The following CDYL variants were observed in gnomAD, a reference collection of about 807,000 sequenced individuals.
The protein encoded by CDYL is chromodomain Y like.
In CDYL, 8 loss-of-function variants were observed where a neutral mutation model predicts 47.3. The observed-to-expected ratio is 0.17, with a 90% confidence interval of 0.10 to 0.31. The LOEUF (loss-of-function observed/expected upper bound fraction) is 0.31. Ranked by LOEUF, CDYL falls within the 10% of genes least tolerant of loss-of-function variation. CDYL has a pLI of 1.00. For missense variants in CDYL, 471 were observed against 701.4 expected, an observed-to-expected ratio of 0.67 and a Z score of 3.71; for synonymous variants, 266 against 265.0, an observed-to-expected ratio of 1.00 and a Z score of -0.04.
At chr6:4,839,973 A>C (rs998153661) in intron 1 of CDYL, among the ~76,000 whole-genome samples, 1 of 151,962 alleles carries the variant, frequency 6.6e-6, no homozygotes, top group African/African-American at 2.4e-5. Flanking sequence ...TGGTGTTTTG[A>C]TGGGAATTGC....
At chr6:4,930,879 C>T (rs1758013445) in intron 2 of CDYL, among the ~76,000 whole-genome samples, 1 of 152,248 alleles carries the variant, frequency 6.6e-6, no homozygotes, top group African/African-American at 2.4e-5. Flanking sequence ...TCTCAGTTCA[C>T]AGAGGCAACT....
intron 2 of CDYL, among the ~76,000 whole-genome samples, chr6:4,721,869 G>A (rs1757376802): frequency 6.6e-6 from 1 of 151,518 alleles, no homozygotes; most frequent in African/African-American, 2.4e-5. Context: ...TGTTTTTTGG[G>A]GTTTTTTTTT....
intron 1 of CDYL, among the ~76,000 whole-genome samples, chr6:4,864,117 C>A (rs528250263): frequency 3.3e-5 from 5 of 152,146 alleles, no homozygotes; most frequent in Non-Finnish European, 5.9e-5. Context: ...GAGCTGAGAA[C>A]GTAACTGCCA....
intron 1 of CDYL, among the ~76,000 whole-genome samples, chr6:4,798,926 G>A (rs1392262951): frequency 1.3e-5 from 2 of 152,162 alleles, no homozygotes; most frequent in Admixed American, 6.5e-5. Flanking sequence ...CATCTAAAAT[G>A]TTGCGTTCAT....
At chr6:4,783,652 A>G (rs541542943) in intron 1 of CDYL, among the ~76,000 whole-genome samples, 1 of 152,122 alleles carries the variant, frequency 6.6e-6, no homozygotes, top group Non-Finnish European at 1.5e-5. Context: ...CCTGACATCA[A>G]GTGATCCACC....
At chr6:4,781,424 C>T (rs1758616090) in intron 1 of CDYL, among the ~76,000 whole-genome samples, 2 of 152,150 alleles carry the variant, frequency 1.3e-5, no homozygotes, top group African/African-American at 4.8e-5. Flanking sequence ...AGATTGGAAT[C>T]ACCAAAATTA....
chr6:4,891,424 C>T (rs1387817845), intron 1 of CDYL, among the ~76,000 whole-genome samples: 1 of 152,188 alleles, frequency 6.6e-6, no homozygotes, highest in African/African-American at 2.4e-5. Context: ...ACTCGGTGGT[C>T]AGGCTTCAAC....
intron 1 of CDYL, among the ~76,000 whole-genome samples, chr6:4,713,448 G>C (rs12202237): frequency 6.6e-6 from 1 of 152,214 alleles, no homozygotes; most frequent in Admixed American, 6.5e-5. Flanking sequence ...TGAAACTGAC[G>C]AAAAGTCAAA....
At chr6:4,914,660 A>G (rs143704780) in intron 2 of CDYL, among the ~76,000 whole-genome samples, 4 of 152,298 alleles carry the variant, frequency 2.6e-5, no homozygotes, top group Admixed American at 6.5e-5. Context: ...GCACGGGCCT[A>G]TTCTTCATTC....
At chr6:4,809,579 T>C (rs1759466647) in intron 1 of CDYL, among the ~76,000 whole-genome samples, 1 of 149,054 alleles carries the variant, frequency 6.7e-6, no homozygotes, top group African/African-American at 2.6e-5. Flanking sequence ...GTAGGGGTAT[T>C]ATATTAGTCC....
chr6:4,847,479 A>G (rs535953344), intron 1 of CDYL, among the ~76,000 whole-genome samples: 165 of 152,268 alleles, frequency 1.1e-3, no homozygotes, highest in Non-Finnish European at 1.9e-3. Flanking sequence ...AGCAGGGTCT[A>G]GGTCTCAGAT....
intron 1 of CDYL, among the ~76,000 whole-genome samples, chr6:4,781,218 A>G (rs1167358068): frequency 2.7e-4 from 41 of 152,186 alleles, no homozygotes; most frequent in Admixed American, 2.7e-3. Flanking sequence ...GGTCTTTTGA[A>G]TCTTTCTTCC....
intron 1 of CDYL, among the ~76,000 whole-genome samples, chr6:4,838,735 G>A (rs1261620107): frequency 6.6e-6 from 1 of 151,858 alleles, no homozygotes; most frequent in Non-Finnish European, 1.5e-5. Flanking sequence ...CACCCAGGCT[G>A]GGGTGCAGTG....
intron 2 of CDYL, among the ~76,000 whole-genome samples, chr6:4,717,111 A>G (rs1245706055): frequency 1.3e-5 from 2 of 152,150 alleles, no homozygotes; most frequent in Non-Finnish European, 2.9e-5. Context: ...TGGGTAGGAT[A>G]TAAGGGGTCC....
chr6:4,892,133 G>A lies in CDYL; in HGVS notation c.445G>A (p.Val149Ile), dbSNP rs371998448. The stretch of plus-strand genomic sequence containing the variant: ...CAAGATCCTCGTGCCTAAAAGCCCC[G>A]TTAAGAGCAGGACCGCAGTGGACGG... ...GIKILVPKSP[V>I]KSRTAVDGFQ... is the part of the protein sequence containing the mutation. The change falls in exon 2 of 7, where the codon GTT (valine) becomes ATT (isoleucine). Residue 149 changes from valine (V) to isoleucine (I), a missense_variant. Val to Ile is a conservative substitution (Grantham distance 29). Transcript: ENST00000397588. 1.8e-5 allele frequency: 29 copies of A among 1,614,078 alleles called. No homozygotes were observed. The East Asian group carries it at 4.2e-4, about 24-fold the overall frequency.
chr6:4,726,260 G>A (rs973022896), intron 2 of CDYL, among the ~76,000 whole-genome samples: 3 of 152,078 alleles, frequency 2.0e-5, no homozygotes, highest in Non-Finnish European at 4.4e-5. Context: ...AAATTAGGCC[G>A]GCGTGGCGGC....
At position 4,767,910 on chromosome 6, in the gene CDYL, A is replaced by G. The variant is rs185294019; in HGVS notation, c.186+33066A>G. ...ACATCAAATTTAATGCAATATTGCA[A>G]TAATTCCCTAACCACTCTCCTCCAA... On this transcript the variant is annotated intron_variant, in intron 3 of 8. Coordinates refer to the CDYL transcript ENST00000328908. 2.8e-3 allele frequency among the ~76,000 whole-genome samples: 423 copies of G among 152,102 alleles called. 3 individuals are homozygous for G. Among genetic ancestry groups the G allele is most frequent in the African/African-American group, 9.8e-3 (406 of 41,372 alleles).
In CDYL at chr6:4,724,108, T is replaced by TA. The variant is rs1313840915; in HGVS notation, c.103+8227_103+8228insA. 2.0e-5 allele frequency among the ~76,000 whole-genome samples: 3 copies of TA among 152,244 alleles called. No individual in the cohort carries two copies. The East Asian group carries it at 5.8e-4, about 29-fold the overall frequency. On this transcript the variant is annotated intron_variant, in intron 2 of 8. Coordinates refer to the CDYL transcript ENST00000328908. ...GGCTCTGGAGTGCAGGGGCATGATC[T>TA]TGGCTCACTATAACCTTGACCTCCT... is the stretch of plus-strand genomic sequence containing the variant.
intron 4 of CDYL, 119 bp from the exon 5 acceptor site, chr6:4,943,427 C>A: frequency 2.7e-6 from 2 of 729,146 alleles, no homozygotes; most frequent in Non-Finnish European, 4.5e-6. Context: ...TTAAACAAAT[C>A]TCAAGTCTTC....
Sources: gnomAD v4.1 joint callset for allele counts (sites outside exome capture counted in the v4.1 genomes callset) on GRCh38, gnomAD v4.1.1 for gene constraint, MANE v1.5 for transcripts, NCBI Gene and HGNC (gene_info 2026-07-23, HGNC 2026-07-21) for gene names.